Variants in SCHIP1 observed in about 807,000 individuals in gnomAD.
SCHIP1 encodes the protein schwannomin-interacting protein 1.
In SCHIP1, 8 loss-of-function variants were observed where a neutral mutation model predicts 29.7. That is an observed-to-expected ratio of 0.27 (90% CI 0.16 to 0.49). The LOEUF is 0.49. Among genes scored for constraint, SCHIP1 ranks in the 20% least tolerant of loss-of-function variants. The pLI is 0.99. For missense variants in SCHIP1, 193 were observed against 294.6 expected, an observed-to-expected ratio of 0.66 and a Z score of 2.52; for synonymous variants, 76 against 94.9, an observed-to-expected ratio of 0.80 and a Z score of 1.16.
intron 5 of SCHIP1, among the ~76,000 whole-genome samples, chr3:159,891,082 T>A (rs578224900): frequency 6.6e-6 from 1 of 152,144 alleles, no homozygotes; most frequent in East Asian, 1.9e-4. Flanking sequence ...AGATTAGATA[T>A]ATTTCGGGCC....
the SCHIP1 span, among the ~76,000 whole-genome samples, chr3:159,609,019 T>C: frequency 2.0e-5 from 3 of 152,208 alleles, no homozygotes; most frequent in African/African-American, 7.2e-5. Flanking sequence ...AAGCAAATAC[T>C]AATTTCTAGG....
the SCHIP1 span, among the ~76,000 whole-genome samples, chr3:159,340,140 G>T: frequency 6.6e-6 from 1 of 151,988 alleles, no homozygotes; most frequent in African/African-American, 2.4e-5. Flanking sequence ...AACTAGGAAG[G>T]ATTTTAGAGA....
At chr3:159,381,756 T>C in the SCHIP1 span, among the ~76,000 whole-genome samples, 5 of 152,146 alleles carry the variant, frequency 3.3e-5, no homozygotes, top group South Asian at 1.0e-3. Context: ...CCACCATGCC[T>C]GGCTAATTTT....
At chr3:159,539,403 T>C in the SCHIP1 span, among the ~76,000 whole-genome samples, 2 of 136,598 alleles carry the variant, frequency 1.5e-5, 1 homozygote, top group Non-Finnish European at 3.3e-5. Context: ...ATGTCATAAT[T>C]AATTTAGTAT....
At chr3:159,368,082 T>C in the SCHIP1 span, among the ~76,000 whole-genome samples, 1 of 152,200 alleles carries the variant, frequency 6.6e-6, no homozygotes. Context: ...TTTCCTTTTT[T>C]TCCTGTCTTG....
the SCHIP1 span, among the ~76,000 whole-genome samples, chr3:159,727,704 C>A: frequency 6.6e-6 from 1 of 152,120 alleles, no homozygotes; most frequent in African/African-American, 2.4e-5. Flanking sequence ...GGGAACAAAG[C>A]AAAGTGTAGC....
chr3:159,538,620 G>T, the SCHIP1 span, among the ~76,000 whole-genome samples: 3 of 152,082 alleles, frequency 2.0e-5, no homozygotes, highest in Admixed American at 2.0e-4. Context: ...ACCATAAAAA[G>T]ATAAAAGGAG....
the SCHIP1 span, among the ~76,000 whole-genome samples, chr3:159,819,107 A>T: frequency 6.6e-6 from 1 of 152,186 alleles, no homozygotes; most frequent in South Asian, 2.1e-4. Flanking sequence ...CCTCATTCAC[A>T]TGACTGGAGG....
the SCHIP1 span, chr3:159,401,470 AATTT>A: frequency 7.3e-6 from 4 of 549,932 alleles, no homozygotes; most frequent in Non-Finnish European, 6.9e-6. Flanking sequence ...GCACAGGCAT[AATTT>A]TATTTTACCC....
the SCHIP1 span, among the ~76,000 whole-genome samples, chr3:159,818,482 G>T: frequency 6.6e-6 from 1 of 152,236 alleles, no homozygotes; most frequent in South Asian, 2.1e-4. Flanking sequence ...TCCCCAGGAA[G>T]GGGCAGTGTG....
At chr3:159,333,256 C>G in the SCHIP1 span, among the ~76,000 whole-genome samples, 1 of 152,118 alleles carries the variant, frequency 6.6e-6, no homozygotes, top group African/African-American at 2.4e-5. Context: ...CATGTAAGTT[C>G]TGGGTCCATT....
chr3:159,349,290 G>A, the SCHIP1 span, among the ~76,000 whole-genome samples: 3 of 152,172 alleles, frequency 2.0e-5, no homozygotes, highest in Non-Finnish European at 2.9e-5. Context: ...ACATGTATGT[G>A]AGGATAGATA....
At chr3:159,704,888 C>A in the SCHIP1 span, among the ~76,000 whole-genome samples, 526 of 77,024 alleles carry the variant, frequency 6.8e-3, 2 homozygotes, top group African/African-American at 0.052. Context: ...TTCTTTCTTT[C>A]TTTCTTTCTT....
chr3:159,528,901 T>A, the SCHIP1 span, among the ~76,000 whole-genome samples: 7 of 152,106 alleles, frequency 4.6e-5, no homozygotes, highest in Non-Finnish European at 1.0e-4. Context: ...AACACTCCAA[T>A]CTCTGTTAAA....
chr3:159,642,586 T>C, the SCHIP1 span, among the ~76,000 whole-genome samples: 1 of 152,154 alleles, frequency 6.6e-6, no homozygotes, highest in Non-Finnish European at 1.5e-5. Context: ...TGGAAGGTTC[T>C]ATGAAGGCAC....
the SCHIP1 span, among the ~76,000 whole-genome samples, chr3:159,561,468 C>A: frequency 6.6e-6 from 1 of 152,184 alleles, no homozygotes; most frequent in Non-Finnish European, 1.5e-5. Flanking sequence ...TGTGCTGGGA[C>A]ATTTAGCCAT....
chr3:159,669,076 G>A, the SCHIP1 span, among the ~76,000 whole-genome samples: 575 of 152,252 alleles, frequency 3.8e-3, 3 homozygotes, highest in African/African-American at 0.013. Flanking sequence ...TTAGGAGCAA[G>A]CCATGCCCGA....
the SCHIP1 span, among the ~76,000 whole-genome samples, chr3:159,566,397 G>A: frequency 6.6e-6 from 1 of 152,250 alleles, no homozygotes; most frequent in African/African-American, 2.4e-5. Flanking sequence ...CCAGGACACT[G>A]CAGTAAACAA....
chr3:159,712,888 A>G, the SCHIP1 span, among the ~76,000 whole-genome samples: 4 of 151,110 alleles, frequency 2.6e-5, no homozygotes, highest in Admixed American at 1.3e-4. Flanking sequence ...CAGGCCAGGC[A>G]CGGTGGCTCA....
Sources: allele counts gnomAD v4.1 joint callset (sites outside exome capture counted in the v4.1 genomes callset), GRCh38; gene constraint gnomAD v4.1.1; transcripts MANE v1.5; gene names NCBI Gene and HGNC (gene_info 2026-07-23, HGNC 2026-07-21).